Variants in PGBD2 observed in about 807,000 individuals in gnomAD.
PGBD2 encodes the protein piggyBac transposable element derived 2.
Under a neutral mutation model 8.1 loss-of-function variants are expected in PGBD2, and 6 were observed. The observed-to-expected ratio is 0.74, with a 90% CI of 0.40 to 1.46. PGBD2 has a LOEUF of 1.46. Among genes scored for constraint, PGBD2 ranks in the 40% most tolerant of loss-of-function variants. The pLI, the probability that PGBD2 is intolerant of heterozygous loss-of-function variation, is 0.02. For synonymous variants in PGBD2, 318 were observed against 272.2 expected, an observed-to-expected ratio of 1.17 and a Z score of -1.66; for missense variants, 802 against 739.0, an observed-to-expected ratio of 1.09 and a Z score of -0.99.
chr1:248,883,334 G>T, the PGBD2 span, among the ~76,000 whole-genome samples: 1 of 152,060 alleles, frequency 6.6e-6, no homozygotes, highest in Non-Finnish European at 1.5e-5. Context: ...TGTTGGTCAG[G>T]CTGGTCTCAA....
chr1:248,874,287 G>A, the PGBD2 span, among the ~76,000 whole-genome samples: 8 of 152,166 alleles, frequency 5.3e-5, no homozygotes, highest in South Asian at 2.1e-4. Flanking sequence ...CGCTCTCACC[G>A]CCGCGGCCCG....
chr1:248,894,145 T>C, the PGBD2 span, among the ~76,000 whole-genome samples: 5 of 152,230 alleles, frequency 3.3e-5, no homozygotes, highest in African/African-American at 1.2e-4. Context: ...TGTTGGAAAT[T>C]AACCCATCAT....
chr1:248,891,077 T>C, the PGBD2 span, among the ~76,000 whole-genome samples: 1 of 152,212 alleles, frequency 6.6e-6, no homozygotes, highest in Non-Finnish European at 1.5e-5. Flanking sequence ...GACGCATGCA[T>C]GGTAACATAG....
At chr1:248,916,151 C>T (rs937402562) in intron 2 of PGBD2, among the ~76,000 whole-genome samples, 9 of 152,202 alleles carry the variant, frequency 5.9e-5, no homozygotes, top group African/African-American at 1.9e-4. Flanking sequence ...CCATGGCTCA[C>T]GCCTGTAATC....
chr1:248,883,313 A>G, the PGBD2 span, among the ~76,000 whole-genome samples: 1 of 151,764 alleles, frequency 6.6e-6, no homozygotes, highest in Non-Finnish European at 1.5e-5. Context: ...AGTAGAGATG[A>G]GGTTTCTCCA....
the PGBD2 span, among the ~76,000 whole-genome samples, chr1:248,873,841 C>A: frequency 2.6e-5 from 4 of 152,218 alleles, no homozygotes; most frequent in Non-Finnish European, 5.9e-5. Flanking sequence ...GTGAGAAGCG[C>A]TCTGCTTCCG....
the PGBD2 span, among the ~76,000 whole-genome samples, chr1:248,926,033 C>G: frequency 2.6e-5 from 4 of 152,110 alleles, no homozygotes; most frequent in Non-Finnish European, 5.9e-5. Flanking sequence ...GTCACTTCCT[C>G]TAAGGACCCT....
chr1:248,882,164 A>C, the PGBD2 span, among the ~76,000 whole-genome samples: 8 of 152,270 alleles, frequency 5.3e-5, no homozygotes, highest in African/African-American at 1.7e-4. Flanking sequence ...AGCTGGGTCC[A>C]GGGGGGTCAC....
At chr1:248,928,889 A>T in the PGBD2 span, among the ~76,000 whole-genome samples, 2 of 152,220 alleles carry the variant, frequency 1.3e-5, no homozygotes, top group Non-Finnish European at 2.9e-5. Context: ...TACAAAGATG[A>T]GGCAAAGCCA....
the PGBD2 span, among the ~76,000 whole-genome samples, chr1:248,872,966 T>C: frequency 6.6e-6 from 1 of 152,236 alleles, no homozygotes; most frequent in Non-Finnish European, 1.5e-5. Context: ...AGTCTAAAAA[T>C]AGAACTTCTC....
At chr1:248,924,771 G>A (rs1662351049), downstream of PGBD2, among the ~76,000 whole-genome samples, 1 of 152,200 alleles carries the variant, frequency 6.6e-6, no homozygotes, top group African/African-American at 2.4e-5. Flanking sequence ...TGTAGCTGAT[G>A]CAGATACAGA....
chr1:248,874,507 T>C, the PGBD2 span, among the ~76,000 whole-genome samples: 1 of 152,330 alleles, frequency 6.6e-6, no homozygotes, highest in Non-Finnish European at 1.5e-5. Flanking sequence ...TTACTCATGA[T>C]ATCTTAAGAA....
At chr1:248,926,116 C>A in the PGBD2 span, among the ~76,000 whole-genome samples, 2 of 151,982 alleles carry the variant, frequency 1.3e-5, no homozygotes, top group Non-Finnish European at 2.9e-5. Flanking sequence ...TGCTGCTGTT[C>A]TCTGTGGAGC....
At chr1:248,916,475 TTGTGATGCCAGATC>T in intron 2 of PGBD2, 113 bp from the exon 3 acceptor site, 1 of 728,240 alleles carries the variant, frequency 1.4e-6, no homozygotes, top group South Asian at 1.9e-5. Flanking sequence ...ATGCGGTGCC[TTGTGATGCCAGATC>T]TGTGAAGCCA....
upstream of PGBD2, among the ~76,000 whole-genome samples, chr1:248,904,610 C>G (rs1661588649): frequency 6.6e-6 from 1 of 152,200 alleles, no homozygotes; most frequent in Non-Finnish European, 1.5e-5. Context: ...TTTCTTTTGT[C>G]TCCAGCCATT....
the PGBD2 span, among the ~76,000 whole-genome samples, chr1:248,886,949 C>G: frequency 6.6e-6 from 1 of 151,980 alleles, no homozygotes; most frequent in Non-Finnish European, 1.5e-5. Context: ...TGCAGCATGC[C>G]AGTGGTTTGG....
At chr1:248,905,320 G>A (rs558079451), upstream of PGBD2, among the ~76,000 whole-genome samples, 36 of 151,692 alleles carry the variant, frequency 2.4e-4, no homozygotes, top group Non-Finnish European at 3.4e-4. Context: ...ACACGGTTTG[G>A]TCCCAGGGAT....
chr1:248,923,792 A>C (rs1050717523), downstream of PGBD2, among the ~76,000 whole-genome samples: 1 of 152,204 alleles, frequency 6.6e-6, no homozygotes, highest in East Asian at 1.9e-4. Context: ...CACAGTCAGC[A>C]TAAGGATGGG....
At chr1:248,928,604 A>G in the PGBD2 span, among the ~76,000 whole-genome samples, 2 of 152,296 alleles carry the variant, frequency 1.3e-5, no homozygotes, top group Non-Finnish European at 2.9e-5. Context: ...TCTGAGGGAG[A>G]AAAACTAATC....
Sources: allele counts gnomAD v4.1 joint callset (sites outside exome capture counted in the v4.1 genomes callset), GRCh38; gene constraint gnomAD v4.1.1; transcripts MANE v1.5; gene names NCBI Gene and HGNC (gene_info 2026-07-23, HGNC 2026-07-21).